FOXN3: variants seen among roughly 807,000 people sequenced by gnomAD.
The protein encoded by FOXN3 is forkhead box protein N3.
A neutral mutation model predicts 38.4 loss-of-function variants in FOXN3; 7 were observed. That is an observed-to-expected ratio of 0.18 (90% CI 0.10 to 0.34). FOXN3 has a LOEUF of 0.34. Ranked by LOEUF, FOXN3 falls within the 10% of genes least tolerant of loss-of-function variation. FOXN3 has a pLI of 1.00. For synonymous variants in FOXN3, 230 were observed against 242.2 expected, an observed-to-expected ratio of 0.95 and a Z score of 0.47; for missense variants, 456 against 613.4, an observed-to-expected ratio of 0.74 and a Z score of 2.71.
chr14:89,335,231 A>G (rs575621879), intron 3 of FOXN3, among the ~76,000 whole-genome samples: 1 of 152,302 alleles, frequency 6.6e-6, no homozygotes, highest in African/African-American at 2.4e-5. Context: ...ATTTTTATTC[A>G]TCAATTATAT....
At chr14:89,467,144 G>T (rs913023157) in intron 1 of FOXN3, among the ~76,000 whole-genome samples, 1 of 152,118 alleles carries the variant, frequency 6.6e-6, no homozygotes, top group South Asian at 2.1e-4. Flanking sequence ...CCCTTCTCAC[G>T]GTGGCTCTCC....
intron 3 of FOXN3, among the ~76,000 whole-genome samples, chr14:89,320,053 C>T (rs976941883): frequency 3.9e-5 from 6 of 152,162 alleles, no homozygotes; most frequent in African/African-American, 1.4e-4. Context: ...TAACTGAAAC[C>T]TAACTAGCCC....
At chr14:89,555,068 G>T (rs1474714703) in intron 1 of FOXN3, among the ~76,000 whole-genome samples, 1 of 152,042 alleles carries the variant, frequency 6.6e-6, no homozygotes. Context: ...TGGGATTACA[G>T]GCATAAGCCA....
At chr14:89,573,947 C>T (rs1895546544) in intron 1 of FOXN3, among the ~76,000 whole-genome samples, 1 of 152,080 alleles carries the variant, frequency 6.6e-6, no homozygotes, top group Non-Finnish European at 1.5e-5. Flanking sequence ...AGGAGGATCC[C>T]TTGAGCCTGG....
At chr14:89,333,329 A>C (rs1888310584) in intron 3 of FOXN3, 1 of 152,462 alleles carries the variant, frequency 6.6e-6, no homozygotes, top group Admixed American at 6.6e-5. Flanking sequence ...GAGGCAGGAG[A>C]ATCACTTGAA....
intron 1 of FOXN3, among the ~76,000 whole-genome samples, chr14:89,423,170 C>G (rs1487252435): frequency 2.0e-5 from 3 of 152,180 alleles, no homozygotes; most frequent in African/African-American, 7.2e-5. Flanking sequence ...CACAAATAAG[C>G]AAACACACAC....
At chr14:89,235,008 C>G (rs1596121495) in intron 4 of FOXN3, among the ~76,000 whole-genome samples, 1 of 152,192 alleles carries the variant, frequency 6.6e-6, no homozygotes, top group South Asian at 2.1e-4. Flanking sequence ...TGGCTTTTGT[C>G]TGCTCCCTGA....
At chr14:89,257,629 A>C (rs1885664759) in intron 4 of FOXN3, among the ~76,000 whole-genome samples, 1 of 152,180 alleles carries the variant, frequency 6.6e-6, no homozygotes, top group Non-Finnish European at 1.5e-5. Flanking sequence ...GCACACCTAT[A>C]GTCCTAGCTT....
intron 1 of FOXN3, among the ~76,000 whole-genome samples, chr14:89,578,950 T>C (rs1895689377): frequency 6.6e-6 from 1 of 152,052 alleles, no homozygotes; most frequent in Admixed American, 6.5e-5. Flanking sequence ...TGGGCCTAAG[T>C]GACCCTCTCA....
chr14:89,185,072 C>T (rs1887768706), intron 4 of FOXN3, among the ~76,000 whole-genome samples: 4 of 152,216 alleles, frequency 2.6e-5, no homozygotes, highest in Admixed American at 2.6e-4. Flanking sequence ...CACAAGACTC[C>T]TGGCATGTAG....
intron 3 of FOXN3, among the ~76,000 whole-genome samples, chr14:89,320,013 T>C (rs1443884165): frequency 6.6e-6 from 1 of 152,216 alleles, no homozygotes; most frequent in Non-Finnish European, 1.5e-5. Flanking sequence ...TCAGATCTGC[T>C]GCAGAATCAA....
intron 3 of FOXN3, among the ~76,000 whole-genome samples, chr14:89,281,589 T>G (rs1187506165): frequency 6.6e-6 from 1 of 152,230 alleles, no homozygotes; most frequent in Non-Finnish European, 1.5e-5. Context: ...TAAAACATTT[T>G]GCAGATATGT....
intron 4 of FOXN3, among the ~76,000 whole-genome samples, chr14:89,276,151 T>G (rs911264143): frequency 3.3e-5 from 5 of 152,054 alleles, no homozygotes; most frequent in African/African-American, 1.2e-4. Flanking sequence ...GGGTAGTGGA[T>G]GCCTGTAATC....
chr14:89,214,209 G>A (rs1884191984), intron 4 of FOXN3, among the ~76,000 whole-genome samples: 1 of 152,194 alleles, frequency 6.6e-6, no homozygotes, highest in Admixed American at 6.5e-5. Context: ...AAAGAAGGGG[G>A]TTGGACTAAA....
chr14:89,541,454 C>T (rs1000378400), intron 1 of FOXN3, among the ~76,000 whole-genome samples: 3 of 152,216 alleles, frequency 2.0e-5, no homozygotes, highest in Admixed American at 6.5e-5. Flanking sequence ...GTCCTCCTCA[C>T]TGCTACACTC....
chr14:89,499,201 G>A (rs1164053080), intron 1 of FOXN3, among the ~76,000 whole-genome samples: 5 of 152,036 alleles, frequency 3.3e-5, no homozygotes, highest in Admixed American at 6.6e-5. Flanking sequence ...ACTGTGCAAA[G>A]TGGCCTGGCT....
intron 1 of FOXN3, among the ~76,000 whole-genome samples, chr14:89,494,577 C>T (rs931868066): frequency 6.6e-6 from 1 of 152,166 alleles, no homozygotes; most frequent in Non-Finnish European, 1.5e-5. Context: ...AGGTGAGCAT[C>T]TTGTCTCCCC....
intron 4 of FOXN3, among the ~76,000 whole-genome samples, chr14:89,192,297 C>G (rs1245046705): frequency 6.9e-6 from 1 of 145,336 alleles, no homozygotes; most frequent in Non-Finnish European, 1.5e-5. Context: ...ATATAATAAA[C>G]TATGCATACT....
chr14:89,570,717 T>C (rs1473119897), intron 1 of FOXN3, among the ~76,000 whole-genome samples: 1 of 151,988 alleles, frequency 6.6e-6, no homozygotes, highest in Non-Finnish European at 1.5e-5. Flanking sequence ...TTAGCTATCA[T>C]TACTGTTAGT....
Sources: gnomAD v4.1 joint callset for allele counts (sites outside exome capture counted in the v4.1 genomes callset) on GRCh38, gnomAD v4.1.1 for gene constraint, MANE v1.5 for transcripts, NCBI Gene and HGNC (gene_info 2026-07-23, HGNC 2026-07-21) for gene names.